Variants in PIP4K2A observed in about 807,000 individuals in gnomAD.
The protein encoded by PIP4K2A is phosphatidylinositol 5-phosphate 4-kinase type-2 alpha.
Under a neutral mutation model 42.9 loss-of-function variants are expected in PIP4K2A, and 14 were observed. The observed-to-expected ratio is 0.33, with a 90% confidence interval of 0.22 to 0.51. The LOEUF (loss-of-function observed/expected upper bound fraction) is 0.51, where lower values mean the gene tolerates loss of function less well. Among genes scored for constraint, PIP4K2A ranks in the 20% least tolerant of loss-of-function variants. The pLI, the probability that PIP4K2A is intolerant of heterozygous loss-of-function variation, is 0.97. For missense variants in PIP4K2A, 434 were observed against 519.8 expected (o/e 0.83, Z 1.61); for synonymous variants, 192 against 192.2 (o/e 1.00, Z 0.01).
intron 1 of PIP4K2A, among the ~76,000 whole-genome samples, chr10:22,690,715 G>T (rs765882620): frequency 1.2e-4 from 19 of 152,162 alleles, no homozygotes; most frequent in Non-Finnish European, 1.9e-4. Context: ...AGAAATAACC[G>T]TTTTACAGAA....
At chr10:22,542,337 G>A (rs1257127036) in intron 7 of PIP4K2A, among the ~76,000 whole-genome samples, 2 of 152,202 alleles carry the variant, frequency 1.3e-5, no homozygotes, top group Admixed American at 6.5e-5. Flanking sequence ...AGATAGCAAG[G>A]AGCATGACCA....
chr10:22,664,143 A>ATATG (rs1564460107), intron 1 of PIP4K2A, among the ~76,000 whole-genome samples: 1 of 27,882 alleles, frequency 3.6e-5, no homozygotes, highest in Non-Finnish European at 5.5e-5. Flanking sequence ...ATATATATAC[A>ATATG]TATATATACA....
intron 1 of PIP4K2A, among the ~76,000 whole-genome samples, chr10:22,692,211 G>C (rs1016979119): frequency 6.6e-6 from 1 of 151,758 alleles, no homozygotes; most frequent in Non-Finnish European, 1.5e-5. Flanking sequence ...CATAAGGAGT[G>C]AGTAACCTAG....
intron 1 of PIP4K2A, among the ~76,000 whole-genome samples, chr10:22,674,437 A>G (rs1403093050): frequency 6.6e-6 from 1 of 150,978 alleles, no homozygotes; most frequent in Non-Finnish European, 1.5e-5. Context: ...AAAAAAAAAA[A>G]AGAAGACCAG....
At chr10:22,669,068 A>G (rs938600421) in intron 1 of PIP4K2A, among the ~76,000 whole-genome samples, 1 of 152,212 alleles carries the variant, frequency 6.6e-6, no homozygotes, top group Non-Finnish European at 1.5e-5. Context: ...AGAACACTAC[A>G]TTCACAAGTC....
At chr10:22,638,860 T>C (rs1231444014) in intron 1 of PIP4K2A, among the ~76,000 whole-genome samples, 1 of 152,184 alleles carries the variant, frequency 6.6e-6, no homozygotes, top group African/African-American at 2.4e-5. Context: ...CGTGTAAGAA[T>C]CTTAGTAGTG....
intron 1 of PIP4K2A, 182 bp downstream of exon 1, chr10:22,714,001 G>T: frequency 1.8e-6 from 1 of 562,168 alleles, no homozygotes; most frequent in Non-Finnish European, 3.1e-6. Flanking sequence ...GGTGGTGCCT[G>T]GGCGGCCCAG....
At chr10:22,608,113 G>A (rs1195681909) in intron 2 of PIP4K2A, 90 bp from the exon 3 acceptor site, 4 of 790,882 alleles carry the variant, frequency 5.1e-6, no homozygotes, top group Admixed American at 4.5e-5. Flanking sequence ...GCCAAAGAAG[G>A]GTTCAGAGTT....
chr10:22,587,764 G>GCT (rs1837431861), intron 4 of PIP4K2A, among the ~76,000 whole-genome samples: 1 of 152,152 alleles, frequency 6.6e-6, no homozygotes, highest in African/African-American at 2.4e-5. Flanking sequence ...ATGGGAGAGG[G>GCT]CTAGGCAGCC....
At chr10:22,584,279 CTT>C in intron 4 of PIP4K2A, among the ~76,000 whole-genome samples, 1 of 151,154 alleles carries the variant, frequency 6.6e-6, no homozygotes, top group East Asian at 1.9e-4. Context: ...TTTGAAAAAT[CTT>C]CTGGAAAACT....
At chr10:22,686,989 A>G (rs564881683) in intron 1 of PIP4K2A, among the ~76,000 whole-genome samples, 31 of 152,266 alleles carry the variant, frequency 2.0e-4, no homozygotes, top group Admixed American at 1.4e-3. Flanking sequence ...TACTTAGCAC[A>G]TACATGCTCA....
intron 4 of PIP4K2A, among the ~76,000 whole-genome samples, chr10:22,575,121 T>C (rs775873739): frequency 1.3e-5 from 2 of 152,172 alleles, no homozygotes; most frequent in Non-Finnish European, 2.9e-5. Flanking sequence ...TGAAGGTTGT[T>C]TTGAGGGTTA....
intron 1 of PIP4K2A, among the ~76,000 whole-genome samples, chr10:22,652,364 G>A (rs927727730): frequency 6.6e-6 from 1 of 151,906 alleles, no homozygotes; most frequent in Non-Finnish European, 1.5e-5. Context: ...CAAGTGATCC[G>A]CCTGCCTCAT....
intron 1 of PIP4K2A, among the ~76,000 whole-genome samples, chr10:22,674,058 G>C (rs1166784885): frequency 6.6e-6 from 1 of 151,964 alleles, no homozygotes; most frequent in Non-Finnish European, 1.5e-5. Context: ...CCATTGTCTT[G>C]GTTATACACA....
At position 22,631,316 on chromosome 10, in the gene PIP4K2A, G is replaced by A. The variant is rs1273712918; in HGVS notation, c.145-21599C>T. On this transcript the variant is annotated intron_variant, in intron 1 of 9. Coordinates refer to ENST00000376573, the MANE Select transcript of PIP4K2A (RefSeq NM_005028.5). ...ATGGGGCCCTTAGGAGGTATTTAAGGCTAAATGAGTTCATCAGGGTGGGCC... is the reference window on the plus strand; with the variant it reads ...ATGGGGCCCTTAGGAGGTATTTAAGACTAAATGAGTTCATCAGGGTGGGCC... 3.0e-4 allele frequency among the ~76,000 whole-genome samples: 45 copies of A among 152,084 alleles called. 1 individual carries two copies.
chr10:22,667,407 A>C (rs1039120901), intron 1 of PIP4K2A, among the ~76,000 whole-genome samples: 5 of 152,260 alleles, frequency 3.3e-5, no homozygotes, highest in African/African-American at 1.2e-4. Flanking sequence ...TATGGTAGCA[A>C]ACACCTTAAG....
intron 1 of PIP4K2A, 48 bp downstream of exon 1, chr10:22,714,135 G>T (rs1430885619): frequency 6.5e-7 from 1 of 1,547,788 alleles, no homozygotes; most frequent in Non-Finnish European, 8.8e-7. Context: ...GAACGAGGAG[G>T]AAGAGGAGGA....
At chr10:22,546,505 G>C (rs548705964) in intron 7 of PIP4K2A, among the ~76,000 whole-genome samples, 1 of 152,070 alleles carries the variant, frequency 6.6e-6, no homozygotes, top group African/African-American at 2.4e-5. Flanking sequence ...TCAAACTCTT[G>C]GACTCAAGGG....
intron 5 of PIP4K2A, among the ~76,000 whole-genome samples, chr10:22,571,392 C>A (rs1233052632): frequency 6.6e-6 from 1 of 152,184 alleles, no homozygotes; most frequent in African/African-American, 2.4e-5. Context: ...TTTTAAAAAA[C>A]TTATATCCAC....
Sources: gnomAD v4.1 joint callset for allele counts (sites outside exome capture counted in the v4.1 genomes callset) on GRCh38, gnomAD v4.1.1 for gene constraint, MANE v1.5 for transcripts, NCBI Gene and HGNC (gene_info 2026-07-23, HGNC 2026-07-21) for gene names.